HEPH: variants seen among roughly 807,000 people sequenced by gnomAD.
HEPH encodes the protein hephaestin.
In HEPH, 69 loss-of-function variants were observed where a neutral mutation model predicts 80.8. The ratio of observed to expected loss-of-function variants is 0.85; its 90% CI spans 0.70 to 1.04. The LOEUF is 1.04. Ranked by LOEUF, HEPH falls within the 50% of genes least tolerant of loss-of-function variation. The probability of loss-of-function intolerance (pLI) is 0.00; values close to 1 mark genes in which losing one functional copy is unlikely to be tolerated. For synonymous variants in HEPH, 431 were observed against 322.8 expected (o/e 1.34, Z -3.60); for missense variants, 1,115 against 891.3 (o/e 1.25, Z -3.20).
intron 15 of HEPH, among the ~76,000 whole-genome samples, chrX:66,250,040 G>T (rs2090950007): frequency 9.0e-6 from 1 of 111,209 alleles, no homozygotes; most frequent in Admixed American, 9.5e-5. Flanking sequence ...ATGGAGTCAG[G>T]AGGAACCTGA....
intron 4 of HEPH, among the ~76,000 whole-genome samples, chrX:66,186,503 G>A (rs774931458): frequency 8.9e-6 from 1 of 112,739 alleles, no homozygotes; most frequent in African/African-American, 3.2e-5. Context: ...GACTCAGAAA[G>A]GGAACTCCCT....
intron 15 of HEPH, among the ~76,000 whole-genome samples, chrX:66,221,643 AT>A (rs1382878763): frequency 8.9e-6 from 1 of 112,307 alleles, no homozygotes; most frequent in East Asian, 2.8e-4. Flanking sequence ...TCCAACTGCC[AT>A]TTTTTTCTCT....
At chrX:66,254,974 C>T (rs1444883320) in intron 15 of HEPH, 61 bp from the exon 16 acceptor site, 2 of 728,828 alleles carry the variant, frequency 2.7e-6, no homozygotes, top group Non-Finnish European at 4.2e-6. Context: ...CTTGGGGAGA[C>T]CTGGGAGTTG....
chrX:66,262,375 G>T (rs1165994943), intron 19 of HEPH, among the ~76,000 whole-genome samples: 1 of 111,751 alleles, frequency 8.9e-6, no homozygotes, highest in Non-Finnish European at 1.9e-5. Flanking sequence ...CAGACTGACA[G>T]ATAATTTCAG....
chrX:66,255,164 G>A, intron 16 of HEPH, 23 bp downstream of exon 16: 1 of 1,084,581 alleles, frequency 9.2e-7, no homozygotes, highest in Non-Finnish European at 1.3e-6. Context: ...TTGGCTACCT[G>A]GAGGTGGGTC....
chrX:66,206,692 T>C (rs1224314071), intron 13 of HEPH, among the ~76,000 whole-genome samples: 1 of 110,088 alleles, frequency 9.1e-6, no homozygotes, highest in Non-Finnish European at 1.9e-5. Flanking sequence ...ATTGTGGTTA[T>C]GCAGCCAATG....
rs916435803 is a variant in HEPH, at chrX:66,204,839, G to T, written c.2291+1262G>T. On this transcript the variant is annotated intron_variant, in intron 13 of 20. Transcript: ENST00000343002. ...TTTAAAAAAAAGAAAAAGGAAAAGA[G>T]ATATTTACATCAGTTTTTTAAAAAT... 2.7e-5 allele frequency among the ~76,000 whole-genome samples: 3 copies of T among 111,952 alleles called. No homozygotes were observed. In the Admixed American group the frequency reaches 2.8e-4, roughly 11 times the overall value.
At chrX:66,259,979 T>G in intron 18 of HEPH, 121 bp from the exon 19 acceptor site, 1 of 538,238 alleles carries the variant, frequency 1.9e-6, no homozygotes, top group Non-Finnish European at 3.1e-6. Flanking sequence ...CACTCACTGG[T>G]CTAGGAACCT....
At chrX:66,236,831 TC>T (rs1319513656) in intron 15 of HEPH, among the ~76,000 whole-genome samples, 1 of 111,387 alleles carries the variant, frequency 9.0e-6, no homozygotes, top group African/African-American at 3.3e-5. Context: ...TTTAATTTTT[TC>T]CTGGCTCTGT....
intron 15 of HEPH, among the ~76,000 whole-genome samples, chrX:66,216,882 G>A (rs1394305015): frequency 9.0e-6 from 1 of 111,450 alleles, no homozygotes; most frequent in Non-Finnish European, 1.9e-5. Context: ...AATAGTTATG[G>A]TATGACAAAA....
intron 1 of HEPH, among the ~76,000 whole-genome samples, chrX:66,165,299 T>C (rs934508041): frequency 1.8e-5 from 2 of 112,000 alleles, no homozygotes; most frequent in Non-Finnish European, 3.8e-5. Flanking sequence ...AGACAAGAGA[T>C]AGGATTTGAA....
chrX:66,191,347 C>A (rs2087778594), intron 6 of HEPH, among the ~76,000 whole-genome samples: 2 of 112,027 alleles, frequency 1.8e-5, no homozygotes, highest in South Asian at 7.4e-4. Flanking sequence ...TGTAAAGCAC[C>A]TGACACAGAA....
chrX:66,214,834 C>G (rs1281482309), intron 15 of HEPH, among the ~76,000 whole-genome samples: 3 of 111,232 alleles, frequency 2.7e-5, no homozygotes, highest in Non-Finnish European at 3.8e-5. Context: ...AGTCTCCAAT[C>G]TATTCTGTTA....
At chrX:66,246,518 T>TAAAGG (rs1569397813) in intron 15 of HEPH, among the ~76,000 whole-genome samples, 1 of 110,753 alleles carries the variant, frequency 9.0e-6, no homozygotes, top group Non-Finnish European at 1.9e-5. Context: ...TTGTAGAGTT[T>TAAAGG]CCCTTGGAGT....
At chrX:66,247,401 C>T (rs934258185) in intron 15 of HEPH, among the ~76,000 whole-genome samples, 1 of 107,347 alleles carries the variant, frequency 9.3e-6, no homozygotes, top group Non-Finnish European at 1.9e-5. Context: ...TTCCATTGTC[C>T]TATCATCAAG....
chrX:66,246,099 G>A (rs1481872830), intron 15 of HEPH, among the ~76,000 whole-genome samples: 1 of 111,985 alleles, frequency 8.9e-6, no homozygotes, highest in Non-Finnish European at 1.9e-5. Context: ...GGGACTGCTG[G>A]GTTGGAAGCT....
chrX:66,198,431 G>A (rs1018290409), intron 10 of HEPH, among the ~76,000 whole-genome samples: 1 of 111,856 alleles, frequency 8.9e-6, no homozygotes, highest in Non-Finnish European at 1.9e-5. Flanking sequence ...AAAGTGCCTA[G>A]CACAGTGTCT....
At position 66,260,247 on chromosome X, in the gene HEPH, G is replaced by GT; in HGVS notation, c.3190dup (p.Ser1064PhefsTer17). 1.7e-6 allele frequency: 2 copies of GT among 1,206,511 alleles called. No homozygotes were observed. Among genetic ancestry groups the GT allele is most frequent in the Non-Finnish European group, 2.2e-6 (2 of 891,707 alleles). The stretch of plus-strand genomic sequence containing the variant: ...TGCTGGCATGGAGACCCTCTTCACT[G>GT]TTTTTTCTCGAACAGGTAAGTCCTA... On this transcript the variant is annotated frameshift_variant, in exon 19 of 21. Coordinates refer to ENST00000343002, the MANE Select transcript of HEPH (RefSeq NM_001367233.3). LOFTEE classifies it high-confidence loss of function.
chrX:66,265,242 G>A (rs978971381), intron 20 of HEPH, among the ~76,000 whole-genome samples: 9 of 110,596 alleles, frequency 8.1e-5, no homozygotes, highest in African/African-American at 3.0e-4. Context: ...ACAAGTGTCA[G>A]GTACCAGGGA....
Sources: gnomAD v4.1 joint callset for allele counts (sites outside exome capture counted in the v4.1 genomes callset) on GRCh38, gnomAD v4.1.1 for gene constraint, MANE v1.5 for transcripts, NCBI Gene and HGNC (gene_info 2026-07-23, HGNC 2026-07-21) for gene names.